The following NR6A1 variants were observed in gnomAD, a reference collection of about 807,000 sequenced individuals.
NR6A1 encodes nuclear receptor subfamily 6 group A member 1, also known as retinoic acid receptor-related testis-associated receptor.
Under a neutral mutation model 59.1 loss-of-function variants are expected in NR6A1, and 7 were observed. The observed-to-expected ratio is 0.12, with a 90% confidence interval of 0.07 to 0.22. NR6A1 has a LOEUF of 0.22. Among genes scored for constraint, NR6A1 ranks in the 10% least tolerant of loss-of-function variants. The pLI is 1.00. For missense variants in NR6A1, 468 were observed against 611.6 expected (o/e 0.77, Z 2.48); for synonymous variants, 243 against 236.1 (o/e 1.03, Z -0.27).
chr9:124,742,311 C>T lies in NR6A1; in HGVS notation c.101-8962G>A, dbSNP rs1413882632. Among the ~76,000 whole-genome samples the T allele has an allele frequency of 2.0e-5, 3 of 152,124 alleles. 1 individual carries two copies. Among genetic ancestry groups the T allele is most frequent in the South Asian group, 4.1e-4 (2 of 4,820 alleles). On this transcript the variant is annotated intron_variant, in intron 1 of 9. Transcript: ENST00000487099. ...GGCACGGTGGCTCACGCCTCTAATCCCAGCACTTTGGAAGGCCGAGGTGGG... is the reference window on the plus strand; with the variant it reads ...GGCACGGTGGCTCACGCCTCTAATCTCAGCACTTTGGAAGGCCGAGGTGGG...
chr9:124,707,224 T>A lies in NR6A1; in HGVS notation c.142+26084A>T, dbSNP rs188060352. ...TCTCTGTTCTTCATATTGAATATTT[T>A]TAATTCATCTATCTACAAGTTCACC... On this transcript the variant is annotated intron_variant, in intron 2 of 9. Transcript: ENST00000487099. 2.0e-5 allele frequency among the ~76,000 whole-genome samples: 3 copies of A among 152,316 alleles called. No homozygotes were observed. In the East Asian group the frequency reaches 5.8e-4, roughly 29 times the overall value.
chr9:124,706,757 C>T (rs1022156650), intron 2 of NR6A1, among the ~76,000 whole-genome samples: 4 of 152,026 alleles, frequency 2.6e-5, no homozygotes, highest in African/African-American at 7.2e-5. Context: ...ACCTCGTGAT[C>T]CACCCACCTC....
intron 2 of NR6A1, among the ~76,000 whole-genome samples, chr9:124,696,436 C>A (rs970222699): frequency 2.6e-5 from 4 of 151,938 alleles, no homozygotes; most frequent in African/African-American, 9.7e-5. Context: ...GGTGTATAGC[C>A]TCACAGATAT....
intron 2 of NR6A1, among the ~76,000 whole-genome samples, chr9:124,686,205 AC>A (rs1838324690): frequency 6.6e-6 from 1 of 152,238 alleles, no homozygotes; most frequent in African/African-American, 2.4e-5. Flanking sequence ...AACCCAATAA[AC>A]AAAAATAAGT....
At chr9:124,601,255 G>A (rs548051394) in intron 2 of NR6A1, among the ~76,000 whole-genome samples, 3 of 151,862 alleles carry the variant, frequency 2.0e-5, no homozygotes, top group Non-Finnish European at 4.4e-5. Flanking sequence ...TAACCTGGCC[G>A]ACAGAGCGAG....
chr9:124,621,942 G>T (rs1425520623), intron 2 of NR6A1, among the ~76,000 whole-genome samples: 1 of 152,188 alleles, frequency 6.6e-6, no homozygotes, highest in Non-Finnish European at 1.5e-5. Context: ...AGCCGAGCAT[G>T]GTGGCTCGTG....
intron 2 of NR6A1, among the ~76,000 whole-genome samples, chr9:124,677,020 C>G (rs1837985145): frequency 1.3e-5 from 2 of 152,044 alleles, no homozygotes; most frequent in South Asian, 2.1e-4. Flanking sequence ...TGATACCACA[C>G]AAACAAGACT....
intron 2 of NR6A1, among the ~76,000 whole-genome samples, chr9:124,633,778 AG>A (rs1836515989): frequency 6.6e-6 from 1 of 152,224 alleles, no homozygotes; most frequent in Non-Finnish European, 1.5e-5. Flanking sequence ...TAGCTAGAGG[AG>A]GATTAAAGAA....
intron 2 of NR6A1, among the ~76,000 whole-genome samples, chr9:124,648,895 C>T (rs775614306): frequency 6.6e-6 from 1 of 151,640 alleles, no homozygotes; most frequent in Non-Finnish European, 1.5e-5. Context: ...ATAGAATTAA[C>T]CAAAAAAGTG....
intron 2 of NR6A1, among the ~76,000 whole-genome samples, chr9:124,626,148 G>A (rs1836235741): frequency 6.6e-6 from 1 of 152,200 alleles, no homozygotes; most frequent in Admixed American, 6.5e-5. Context: ...TGGGACTACA[G>A]GCGCACGCCA....
chr9:124,697,182 T>G (rs1398349907), intron 2 of NR6A1, among the ~76,000 whole-genome samples: 2 of 152,180 alleles, frequency 1.3e-5, no homozygotes, highest in Admixed American at 6.5e-5. Context: ...GAACAAGGAA[T>G]GCACATTTAT....
chr9:124,524,887 AAAAAC>A lies in NR6A1; in HGVS notation c.1202-19_1202-15del. The A allele has an allele frequency of 6.3e-7, 1 of 1,594,290 alleles. No individual in the cohort carries two copies. The highest frequency in any genetic ancestry group is 8.5e-7 in the Non-Finnish European group (1 of 1,174,910). ...GACCCCTGATATCTGTGGAAAAAAA[AAAAAC>A]ACACACACACATACAGGGAATGGGA... On this transcript the variant is annotated splice_polypyrimidine_tract_variant and intron_variant, in intron 8 of 9. Transcript: ENST00000487099.
chr9:124,572,367 A>G (rs1428490114), intron 2 of NR6A1, among the ~76,000 whole-genome samples: 1 of 152,250 alleles, frequency 6.6e-6, no homozygotes, highest in South Asian at 2.1e-4. Context: ...CTAATCATCT[A>G]AAGACAACTT....
intron 4 of NR6A1, among the ~76,000 whole-genome samples, chr9:124,540,861 T>TC (rs937385511): frequency 1.3e-5 from 2 of 152,160 alleles, no homozygotes; most frequent in African/African-American, 2.4e-5. Context: ...TGTGAGGCTT[T>TC]CTACCACCAC....
intron 2 of NR6A1, among the ~76,000 whole-genome samples, chr9:124,637,892 C>CAAAAAA (rs796714741): frequency 1.3e-5 from 1 of 78,980 alleles, no homozygotes; most frequent in African/African-American, 4.3e-5. Context: ...ACTCCCTCTC[C>CAAAAAA]AAAAAAAAAA....
At chr9:124,577,418 TA>T (rs1834633678) in intron 2 of NR6A1, among the ~76,000 whole-genome samples, 2 of 152,230 alleles carry the variant, frequency 1.3e-5, no homozygotes, top group African/African-American at 4.8e-5. Context: ...TTTTCACTGA[TA>T]AGAGTATTAC....
chr9:124,599,699 G>A (rs1225675882), intron 2 of NR6A1: 2 of 637,624 alleles, frequency 3.1e-6, no homozygotes, highest in East Asian at 1.0e-4. Context: ...ATTATGAATG[G>A]CAGAACCTTA....
intron 2 of NR6A1, among the ~76,000 whole-genome samples, chr9:124,700,275 A>T (rs1314635237): frequency 6.6e-6 from 1 of 151,980 alleles, no homozygotes; most frequent in Admixed American, 6.6e-5. Context: ...GCTCACTGCA[A>T]TCTCCGTCTC....
At position 124,634,826 on chromosome 9, in the gene NR6A1, A is replaced by G. The variant is rs532165591; in HGVS notation, c.143-80256T>C. 1.4e-3 allele frequency among the ~76,000 whole-genome samples: 212 copies of G among 151,576 alleles called. 1 individual carries two copies. The highest frequency in any genetic ancestry group is 2.1e-3 in the Non-Finnish European group (142 of 67,788). On this transcript the variant is annotated intron_variant, in intron 2 of 9. Coordinates refer to ENST00000487099, the MANE Select transcript of NR6A1 (RefSeq NM_033334.4). ...GACAGAGCAAGACTCTCTCAAAAAA[A>G]AGAGAGAGAGAGAGAGACTTTATTT...
Sources: allele counts gnomAD v4.1 joint callset (sites outside exome capture counted in the v4.1 genomes callset), GRCh38; gene constraint gnomAD v4.1.1; transcripts MANE v1.5; gene names NCBI Gene and HGNC (gene_info 2026-07-23, HGNC 2026-07-21).